NEGR1: variants seen among roughly 807,000 people sequenced by gnomAD.
NEGR1 encodes the protein neuronal growth regulator 1, also known as IgLON family member 4.
In NEGR1, 10 loss-of-function variants were observed where a neutral mutation model predicts 40.9. The ratio of observed to expected loss-of-function variants is 0.24; its 90% CI spans 0.15 to 0.42. The LOEUF is 0.42. NEGR1 is among the 10% of genes least tolerant of loss of function. NEGR1 has a pLI of 1.00. For missense variants in NEGR1, 352 were observed against 438.9 expected (o/e 0.80, Z 1.77); for synonymous variants, 185 against 166.8 (o/e 1.11, Z -0.84).
chr1:71,552,120 T>C (rs915634134), intron 6 of NEGR1, among the ~76,000 whole-genome samples: 2 of 151,356 alleles, frequency 1.3e-5, no homozygotes, highest in African/African-American at 4.8e-5. Context: ...GGAGAGAATC[T>C]CTCACTCTTC....
At chr1:72,107,301 G>A (rs1429858974) in intron 1 of NEGR1, among the ~76,000 whole-genome samples, 2 of 151,448 alleles carry the variant, frequency 1.3e-5, no homozygotes, top group Non-Finnish European at 1.5e-5. Flanking sequence ...TTTATACCGT[G>A]GAGTCTATCT....
chr1:72,165,109 A>G (rs1208394019), intron 1 of NEGR1, among the ~76,000 whole-genome samples: 1 of 152,056 alleles, frequency 6.6e-6, no homozygotes, highest in East Asian at 1.9e-4. Context: ...ATTGTGATTT[A>G]TCAGAACAAT....
Position 71,438,639 on chromosome 1 carries a change from G to A in NEGR1, c.941-31069C>T, listed in dbSNP as rs1221166448. ...TTGTATTTGTTTAGTGCACCAAACA[G>A]AGAAAATGGCCTTACTAACCTTAGT... is the stretch of plus-strand genomic sequence containing the variant. On this transcript the variant is annotated intron_variant, in intron 6 of 6. Transcript: ENST00000357731. Among the ~76,000 whole-genome samples the A allele has an allele frequency of 3.3e-5, 5 of 152,204 alleles. No individual in the cohort carries two copies. The East Asian group carries it at 9.6e-4, about 29-fold the overall frequency.
intron 4 of NEGR1, among the ~76,000 whole-genome samples, chr1:71,650,540 C>G (rs1257563656): frequency 6.6e-6 from 1 of 152,158 alleles, no homozygotes; most frequent in East Asian, 1.9e-4. Flanking sequence ...TTATTATAAA[C>G]AAACGCTGTG....
chr1:71,928,049 C>CACACATAT (rs762927832), intron 2 of NEGR1, among the ~76,000 whole-genome samples: 26 of 86,188 alleles, frequency 3.0e-4, no homozygotes, highest in Non-Finnish European at 4.5e-4. Flanking sequence ...CACACACACA[C>CACACATAT]GTATATATAT....
At chr1:71,509,289 A>G (rs1196750926) in intron 6 of NEGR1, among the ~76,000 whole-genome samples, 1 of 152,190 alleles carries the variant, frequency 6.6e-6, no homozygotes, top group Non-Finnish European at 1.5e-5. Flanking sequence ...CAGACTTGTA[A>G]GAGTCTGTCA....
intron 4 of NEGR1, among the ~76,000 whole-genome samples, chr1:71,673,008 G>A (rs534730784): frequency 6.6e-6 from 1 of 152,246 alleles, no homozygotes; most frequent in African/African-American, 2.4e-5. Context: ...GGCTGAGGCG[G>A]GCGGATCATG....
chr1:71,928,727 T>A (rs963493907), intron 2 of NEGR1, among the ~76,000 whole-genome samples: 2 of 151,852 alleles, frequency 1.3e-5, no homozygotes, highest in Admixed American at 6.6e-5. Context: ...AATAGAAAAA[T>A]GCAATGCAAT....
intron 1 of NEGR1, among the ~76,000 whole-genome samples, chr1:72,266,892 C>A (rs1655664808): frequency 6.6e-6 from 1 of 150,558 alleles, no homozygotes; most frequent in South Asian, 2.1e-4. Flanking sequence ...CAAGACAGGG[C>A]AATAGCAAAA....
intron 1 of NEGR1, among the ~76,000 whole-genome samples, chr1:72,200,065 C>A (rs184398924): frequency 1.2e-3 from 180 of 152,056 alleles, no homozygotes; most frequent in African/African-American, 4.1e-3. Flanking sequence ...AATGCTTATA[C>A]AGTGCTGGTA....
At chr1:71,757,830 C>T (rs1655794674) in intron 3 of NEGR1, among the ~76,000 whole-genome samples, 1 of 152,012 alleles carries the variant, frequency 6.6e-6, no homozygotes, top group Non-Finnish European at 1.5e-5. Flanking sequence ...CTTGCATTTA[C>T]CTGATTTTAT....
intron 1 of NEGR1, among the ~76,000 whole-genome samples, chr1:72,104,395 C>T (rs763968158): frequency 1.3e-5 from 2 of 151,956 alleles, no homozygotes; most frequent in Admixed American, 6.6e-5. Flanking sequence ...GCCCAAATGA[C>T]GTGATTGCTG....
intron 1 of NEGR1, among the ~76,000 whole-genome samples, chr1:71,986,696 A>G (rs1646397586): frequency 6.6e-6 from 1 of 152,234 alleles, no homozygotes; most frequent in Non-Finnish European, 1.5e-5. Context: ...TGGGCCACCC[A>G]TAATAAGGTA....
chr1:71,571,787 CAAAAAAA>C (rs34844215), intron 6 of NEGR1, among the ~76,000 whole-genome samples: 7 of 106,520 alleles, frequency 6.6e-5, no homozygotes, highest in Non-Finnish European at 1.1e-4. Context: ...GCCCCTGTCT[CAAAAAAA>C]AAAAAAAAAA....
chr1:72,255,394 T>G (rs756685899), intron 1 of NEGR1, among the ~76,000 whole-genome samples: 29 of 152,122 alleles, frequency 1.9e-4, no homozygotes, highest in Non-Finnish European at 4.0e-4. Context: ...TAGTAGTTGT[T>G]GAATAGATAT....
At chr1:71,531,123 A>G (rs1647345320) in intron 6 of NEGR1, among the ~76,000 whole-genome samples, 3 of 151,304 alleles carry the variant, frequency 2.0e-5, no homozygotes, top group Admixed American at 2.0e-4. Flanking sequence ...AAGCCCAACC[A>G]TGGAAAGATC....
chr1:72,190,697 A>G (rs1011138250), intron 1 of NEGR1, among the ~76,000 whole-genome samples: 3 of 151,516 alleles, frequency 2.0e-5, no homozygotes, highest in Non-Finnish European at 3.0e-5. Flanking sequence ...CTTTTTATAG[A>G]GGCAAGAAAG....
chr1:72,206,605 ATAAAT>A (rs1653407020), intron 1 of NEGR1, among the ~76,000 whole-genome samples: 1 of 151,886 alleles, frequency 6.6e-6, no homozygotes, highest in Non-Finnish European at 1.5e-5. Context: ...GGGATGACTA[ATAAAT>A]TAGAGACCAA....
rs756076229 is a variant in NEGR1, at chr1:71,597,472, C to CTCTCTCTCTCTGTGTGTGTGTGTG, written c.789-4505_789-4504insCACACACACACACAGAGAGAGAGA. On this transcript the variant is annotated intron_variant, in intron 5 of 6. Coordinates refer to ENST00000357731, the MANE Select transcript of NEGR1 (RefSeq NM_173808.3). ...TCTCTCTCTCTCTCTCTCTCTCTCT[C>CTCTCTCTCTCTGTGTGTGTGTGTG]TGTGTGTGTGTGTGTGTGTGTGTGT... 4.1e-3 allele frequency among the ~76,000 whole-genome samples: 128 copies of CTCTCTCTCTCTGTGTGTGTGTGTG among 31,266 alleles called. 1 individual carries two copies. The highest frequency in any genetic ancestry group is 0.036 in the Middle Eastern group (1 of 28). The allele number at this position is 31,266 out of a possible 152,430, so 20.5% of individuals were successfully genotyped here. A position where few individuals can be genotyped will look rare whatever the true frequency, so the allele number is the denominator to read the frequency against.
Sources: allele counts gnomAD v4.1 joint callset (sites outside exome capture counted in the v4.1 genomes callset), GRCh38; gene constraint gnomAD v4.1.1; transcripts MANE v1.5; gene names NCBI Gene and HGNC (gene_info 2026-07-23, HGNC 2026-07-21).